SLC25A29: variants seen among roughly 807,000 people sequenced by gnomAD.
SLC25A29 encodes the protein solute carrier family 25 member 29, also known as mitochondrial basic amino acids transporter.
A neutral mutation model predicts 10.0 loss-of-function variants in SLC25A29; 13 were observed. The ratio of observed to expected loss-of-function variants is 1.30; its 90% CI spans 0.85 to 2.07. The LOEUF is 2.07. Among genes scored for constraint, SLC25A29 ranks in the 30% most tolerant of loss-of-function variants. The pLI is 0.00. For synonymous variants in SLC25A29, 244 were observed against 221.1 expected, an observed-to-expected ratio of 1.10 and a Z score of -0.92; for missense variants, 475 against 447.6, an observed-to-expected ratio of 1.06 and a Z score of -0.55.
In SLC25A29 at chr14:100,306,293, G is replaced by GC; in HGVS notation, c.-62dup. The GC allele has an allele frequency of 2.3e-6, 3 of 1,327,708 alleles. No individual in the cohort carries two copies. Among genetic ancestry groups the GC allele is most frequent in the Non-Finnish European group, 2.9e-6 (3 of 1,041,502 alleles). The allele number at this position is 1,327,708 out of a possible 1,614,324, so 82.2% of individuals were successfully genotyped here. On this transcript the variant is annotated 5_prime_UTR_variant, in exon 1 of 4. Coordinates refer to ENST00000359232, the MANE Select transcript of SLC25A29 (RefSeq NM_001039355.3). Reference sequence around the variant, plus strand: ...TCCTCCCCCTGAGGCCCCTCGCCGGGCTGGGCGCCGTCGGGGTCCCCGAGC... The same window carrying GC: ...TCCTCCCCCTGAGGCCCCTCGCCGGGCCTGGGCGCCGTCGGGGTCCCCGAGC...
intron 1 of SLC25A29, among the ~76,000 whole-genome samples, chr14:100,301,136 T>C (rs1021742654): frequency 4.0e-5 from 6 of 151,660 alleles, no homozygotes; most frequent in Non-Finnish European, 5.9e-5. Context: ...CCTGACCTTG[T>C]GGCCCGCCCA....
At chr14:100,299,663 C>G (rs1892411219) in intron 1 of SLC25A29, 1 of 881,318 alleles carries the variant, frequency 1.1e-6, no homozygotes, top group Non-Finnish European at 1.4e-6. Context: ...CAGGTGGTAA[C>G]CATCTCTGAG....
At position 100,292,944 on chromosome 14, in the gene SLC25A29, A is replaced by G; in HGVS notation, c.251T>C (p.Leu84Pro). ...ALVFGVQGNT[L>P]RALGHDSPLN... ...GGGCGAGTCGTGGCCCAGGGCCCGG[A>G]GGGTGTTGCCCTGCACCCCGAACAC... Residue 84 changes from leucine to proline, a missense_variant, in exon 4 of 4, where the codon CTC (leucine) becomes CCC (proline). Leu to Pro is a moderately conservative substitution (Grantham distance 98). Coordinates refer to ENST00000359232, the MANE Select transcript of SLC25A29 (RefSeq NM_001039355.3). 1.9e-6 allele frequency: 3 copies of G among 1,606,540 alleles called. No individual in the cohort carries two copies. Among genetic ancestry groups the G allele is most frequent in the Non-Finnish European group, 2.5e-6 (3 of 1,177,446 alleles).
the SLC25A29 span, chr14:100,281,523 C>G: frequency 6.6e-6 from 1 of 152,194 alleles, no homozygotes; most frequent in African/African-American, 2.4e-5. Context: ...CCCAGCAGGT[C>G]CTGGCAAGTG....
intron 2 of SLC25A29, chr14:100,293,645 T>C: frequency 2.1e-6 from 1 of 486,980 alleles, no homozygotes; most frequent in Non-Finnish European, 3.8e-6. Flanking sequence ...TTAAGCCTCT[T>C]GTTTACACTA....
chr14:100,293,009 C>A lies in SLC25A29; in HGVS notation c.186G>T (p.Leu62=). Residue 62 remains leucine, a synonymous_variant, in exon 4 of 4, where the codon CTG becomes CTT. Coordinates refer to ENST00000359232, the MANE Select transcript of SLC25A29 (RefSeq NM_001039355.3). ...QESVLGLYKG[L]GSPLMGLTFI... ...AGGTGAGCCCCATGAGCGGCGAGCC[C>A]AGGCCCTTGTACAGGCCCAGCACCT... 1 of 1,576,408 alleles carries A rather than the reference C, an allele frequency of 6.3e-7. No individual in the cohort carries two copies. The highest frequency in any genetic ancestry group is 8.6e-7 in the Non-Finnish European group (1 of 1,162,580).
At chr14:100,301,825 A>G (rs1892572060) in intron 1 of SLC25A29, among the ~76,000 whole-genome samples, 1 of 151,658 alleles carries the variant, frequency 6.6e-6, no homozygotes, top group African/African-American at 2.4e-5. Flanking sequence ...TGCTTCTAAT[A>G]CGTCTAATCA....
chr14:100,299,474 C>T (rs1177841590), intron 1 of SLC25A29: 6 of 988,008 alleles, frequency 6.1e-6, no homozygotes, highest in Non-Finnish European at 7.2e-6. Context: ...GATGCACTGG[C>T]TGATACCTCC....
downstream of SLC25A29, among the ~76,000 whole-genome samples, chr14:100,289,059 G>A (rs571515665): frequency 2.0e-5 from 3 of 152,322 alleles, no homozygotes; most frequent in South Asian, 4.1e-4. Flanking sequence ...GGCAGCGATC[G>A]GAGCGATGCT....
At chr14:100,283,389 A>G in the SLC25A29 span, among the ~76,000 whole-genome samples, 1 of 152,136 alleles carries the variant, frequency 6.6e-6, no homozygotes, top group African/African-American at 2.4e-5. Context: ...CAAGCCCAGA[A>G]CTGCTGAGTG....
downstream of SLC25A29, among the ~76,000 whole-genome samples, chr14:100,288,211 A>G (rs1311604466): frequency 1.3e-5 from 2 of 151,870 alleles, no homozygotes; most frequent in East Asian, 3.9e-4. Context: ...GTGAAACCCC[A>G]TCTCTACTAA....
Position 100,292,354 on chromosome 14 carries a change from C to A in SLC25A29, c.841G>T (p.Ala281Ser). 1.3e-6 allele frequency: 2 copies of A among 1,501,822 alleles called. No individual in the cohort carries two copies. 93.0% of individuals were successfully genotyped at this position (1,501,822 alleles called of 1,614,324 possible). A position where few individuals can be genotyped will look rare whatever the true frequency, so the allele number is the denominator to read the frequency against. ...VVLTYARGEE[A>S]GPEGEAVPAA... ...GGCACAGCCTCGCCCTCGGGCCCGG[C>A]CTCCTCGCCGCGCGCGTAGGTGAGC... is the stretch of plus-strand genomic sequence containing the variant. Residue 281 changes from alanine (A) to serine (S), a missense_variant, in exon 4 of 4, where the codon GCC becomes TCC. Physicochemically the swap from Ala to Ser is moderately conservative, Grantham distance 99. Coordinates refer to ENST00000359232, the MANE Select transcript of SLC25A29 (RefSeq NM_001039355.3).
the SLC25A29 span, among the ~76,000 whole-genome samples, chr14:100,283,045 C>T: frequency 6.6e-6 from 1 of 152,244 alleles, no homozygotes; most frequent in Non-Finnish European, 1.5e-5. Flanking sequence ...AAGAGAGCCT[C>T]ACCCACTGTT....
At chr14:100,289,695 T>C, downstream of SLC25A29, among the ~76,000 whole-genome samples, 1 of 151,554 alleles carries the variant, frequency 6.6e-6, no homozygotes, top group East Asian at 1.9e-4. Context: ...ATAGAAACAT[T>C]TGCCAGGTGT....
At chr14:100,297,311 G>T (rs905747624) in intron 2 of SLC25A29, among the ~76,000 whole-genome samples, 12 of 152,186 alleles carry the variant, frequency 7.9e-5, no homozygotes, top group African/African-American at 2.9e-4. Context: ...GTCACTTCAG[G>T]GGTGCTGCTC....
Position 100,293,838 on chromosome 14 carries a change from G to C in SLC25A29, c.79-461C>G, listed in dbSNP as rs535333029. ...AATAGGCGCAAAAAGTGATGAGCCT[G>C]GCCAGGTGCAGTGGCTCACGCCTGT... is the stretch of plus-strand genomic sequence containing the variant. On this transcript the variant is annotated intron_variant, in intron 2 of 3. Transcript: ENST00000359232. 13 of 159,510 alleles carry C rather than the reference G, an allele frequency of 8.1e-5. No individual in the cohort carries two copies. In the East Asian group the frequency reaches 1.1e-3, roughly 14 times the overall value. 9.9% of individuals were successfully genotyped at this position (159,510 alleles called of 1,614,324 possible).
At chr14:100,302,598 A>C (rs1057368345) in intron 1 of SLC25A29, among the ~76,000 whole-genome samples, 1 of 151,746 alleles carries the variant, frequency 6.6e-6, no homozygotes, top group Non-Finnish European at 1.5e-5. Context: ...CTCGTGATCC[A>C]CCCATCTCAG....
rs1891747742 is a variant in SLC25A29 at position 100,292,193 on chromosome 14, C to T, written c.*90G>A. 1.3e-6 allele frequency: 2 copies of T among 1,484,486 alleles called. No individual in the cohort carries two copies. The highest frequency in any genetic ancestry group is 1.2e-5 in the South Asian group (1 of 82,468). The allele number at this position is 1,484,486 out of a possible 1,614,324, so 92.0% of individuals were successfully genotyped here. ...TGATAGACTCCACAGCTCGCAGCAT[C>T]CCAGCAGGAAGCAGGGCAATCGACT... On this transcript the variant is annotated 3_prime_UTR_variant, in exon 4 of 4. Transcript: ENST00000359232.
chr14:100,292,018 C>G lies in SLC25A29; in HGVS notation c.*265G>C, dbSNP rs1056611826. The G allele has an allele frequency of 6.0e-6, 3 of 497,726 alleles. No homozygotes were observed. The highest frequency in any genetic ancestry group is 1.1e-5 in the Non-Finnish European group (3 of 280,076). The allele number at this position is 497,726 out of a possible 1,614,324, so 30.8% of individuals were successfully genotyped here. On this transcript the variant is annotated 3_prime_UTR_variant, in exon 4 of 4. Coordinates refer to ENST00000359232, the MANE Select transcript of SLC25A29 (RefSeq NM_001039355.3). ...TAACGGTGCAATGGCCTCAGCCAGG[C>G]CAGGTGCTGGCTGCTGCTGGGAATA...
Sources: gnomAD v4.1 joint callset for allele counts (sites outside exome capture counted in the v4.1 genomes callset) on GRCh38, gnomAD v4.1.1 for gene constraint, MANE v1.5 for transcripts, NCBI Gene and HGNC (gene_info 2026-07-23, HGNC 2026-07-21) for gene names.